Variants in ENTREP2 observed in about 807,000 individuals in gnomAD.
ENTREP2 encodes protein ENTREP2.
the ENTREP2 span, among the ~76,000 whole-genome samples, chr15:29,371,530 C>T: frequency 6.6e-6 from 1 of 151,702 alleles, no homozygotes; most frequent in Admixed American, 6.6e-5. Flanking sequence ...TTAAAGAGAC[C>T]AGTTAACCTG....
chr15:29,406,115 T>C, the ENTREP2 span, among the ~76,000 whole-genome samples: 1 of 152,202 alleles, frequency 6.6e-6, no homozygotes, highest in African/African-American at 2.4e-5. Flanking sequence ...TGTGTCATGA[T>C]CATGATGGCA....
the ENTREP2 span, among the ~76,000 whole-genome samples, chr15:29,651,169 G>A: frequency 1.3e-5 from 2 of 152,272 alleles, no homozygotes; most frequent in South Asian, 2.1e-4. Flanking sequence ...CCATGCACTG[G>A]TAAGTTTTAC....
the ENTREP2 span, among the ~76,000 whole-genome samples, chr15:29,633,309 A>G: frequency 6.6e-6 from 1 of 152,142 alleles, no homozygotes; most frequent in Non-Finnish European, 1.5e-5. Flanking sequence ...GGCTTCAGGG[A>G]GAGGGAGGGG....
chr15:29,587,950 C>T, the ENTREP2 span, among the ~76,000 whole-genome samples: 28 of 152,268 alleles, frequency 1.8e-4, 1 homozygote, highest in South Asian at 2.9e-3. Context: ...TGAGCCACCA[C>T]GCCCGGCTGG....
the ENTREP2 span, among the ~76,000 whole-genome samples, chr15:29,627,540 TA>T: frequency 0.2 from 23,793 of 120,140 alleles, 3,699 homozygotes; most frequent in African/African-American, 0.46. Flanking sequence ...AGACTCCATC[TA>T]AAAAAAAAAA....
At chr15:29,229,820 C>T in the ENTREP2 span, among the ~76,000 whole-genome samples, 2 of 152,136 alleles carry the variant, frequency 1.3e-5, no homozygotes, top group Admixed American at 6.5e-5. Context: ...CAATCTCATC[C>T]ACTCCCATGG....
the ENTREP2 span, among the ~76,000 whole-genome samples, chr15:29,258,274 A>G: frequency 6.6e-6 from 1 of 151,884 alleles, no homozygotes; most frequent in Non-Finnish European, 1.5e-5. Flanking sequence ...AATTTTTCAT[A>G]TTAGAAGTTA....
At chr15:29,206,054 G>A in the ENTREP2 span, among the ~76,000 whole-genome samples, 3 of 152,278 alleles carry the variant, frequency 2.0e-5, no homozygotes, top group Non-Finnish European at 2.9e-5. Context: ...CAATGACACA[G>A]GACGACATAA....
chr15:29,553,551 C>T, the ENTREP2 span, among the ~76,000 whole-genome samples: 1 of 152,168 alleles, frequency 6.6e-6, no homozygotes, highest in Non-Finnish European at 1.5e-5. Context: ...GTCCCCTCCC[C>T]TTAAATGCTG....
the ENTREP2 span, chr15:29,269,920 C>G: frequency 2.0e-6 from 1 of 495,790 alleles, no homozygotes; most frequent in African/African-American, 2.0e-5. Flanking sequence ...GTTTTCCGTG[C>G]AGCCCTGCAG....
chr15:29,550,854 A>C, the ENTREP2 span, among the ~76,000 whole-genome samples: 1 of 152,290 alleles, frequency 6.6e-6, no homozygotes, highest in African/African-American at 2.4e-5. Flanking sequence ...AAGGGACCTC[A>C]CACATCATCT....
At chr15:29,196,626 G>C in the ENTREP2 span, 1 of 1,515,512 alleles carries the variant, frequency 6.6e-7, no homozygotes, top group Non-Finnish European at 8.9e-7. Context: ...GAGGGTACGC[G>C]TGAGTGACAC....
chr15:29,179,806 C>T, the ENTREP2 span, among the ~76,000 whole-genome samples: 10 of 151,930 alleles, frequency 6.6e-5, no homozygotes, highest in Non-Finnish European at 1.3e-4. Flanking sequence ...AGGATGGTCT[C>T]GATCTCCTGA....
At chr15:29,600,876 C>T in the ENTREP2 span, among the ~76,000 whole-genome samples, 19 of 147,158 alleles carry the variant, frequency 1.3e-4, 1 homozygote, top group Admixed American at 1.0e-3. Flanking sequence ...TATTAATAAT[C>T]AATGGGGAAA....
chr15:29,656,988 G>A, the ENTREP2 span, among the ~76,000 whole-genome samples: 1 of 152,110 alleles, frequency 6.6e-6, no homozygotes, highest in Non-Finnish European at 1.5e-5. Flanking sequence ...GTTGCTGCCG[G>A]CCAGGGTGTT....
the ENTREP2 span, among the ~76,000 whole-genome samples, chr15:29,528,020 C>T: frequency 6.6e-6 from 1 of 152,150 alleles, no homozygotes; most frequent in African/African-American, 2.4e-5. Flanking sequence ...TGCATTCATC[C>T]ATTTGGCAAA....
At chr15:29,405,249 C>T in the ENTREP2 span, among the ~76,000 whole-genome samples, 4 of 152,012 alleles carry the variant, frequency 2.6e-5, no homozygotes, top group African/African-American at 9.7e-5. Flanking sequence ...ATTAGCCAGG[C>T]ATGGTGGCAT....
At chr15:29,187,569 C>T in the ENTREP2 span, among the ~76,000 whole-genome samples, 2 of 152,178 alleles carry the variant, frequency 1.3e-5, no homozygotes, top group Non-Finnish European at 2.9e-5. Flanking sequence ...AACCACTGCT[C>T]CTGGCCAACT....
chr15:29,201,443 C>T, the ENTREP2 span, among the ~76,000 whole-genome samples: 1 of 152,160 alleles, frequency 6.6e-6, no homozygotes, highest in Non-Finnish European at 1.5e-5. Context: ...TGAGGACGTT[C>T]TCTATGCCTA....
Sources: allele counts gnomAD v4.1 joint callset (sites outside exome capture counted in the v4.1 genomes callset), GRCh38; gene constraint gnomAD v4.1.1; transcripts MANE v1.5; gene names NCBI Gene and HGNC (gene_info 2026-07-23, HGNC 2026-07-21).